The following RUNX1 variants were observed in gnomAD, a reference collection of about 807,000 sequenced individuals.
RUNX1 encodes RUNX family transcription factor 1.
RUNX1 carries 19 observed loss-of-function variants against 42.8 expected under a neutral mutation model. The observed-to-expected ratio is 0.44, with a 90% CI of 0.31 to 0.65. The LOEUF is 0.65. Among genes scored for constraint, RUNX1 ranks in the 30% least tolerant of loss-of-function variants. The pLI, the probability that RUNX1 is intolerant of heterozygous loss-of-function variation, is 0.07. For synonymous variants in RUNX1, 271 were observed against 289.4 expected, an observed-to-expected ratio of 0.94 and a Z score of 0.64; for missense variants, 528 against 672.0, an observed-to-expected ratio of 0.79 and a Z score of 2.37.
At chr21:34,829,391 A>C (rs2057032840) in intron 7 of RUNX1, among the ~76,000 whole-genome samples, 1 of 152,230 alleles carries the variant, frequency 6.6e-6, no homozygotes, top group African/African-American at 2.4e-5. Flanking sequence ...CACTAAGATC[A>C]AGCCCTGCAG....
At chr21:34,881,865 C>T (rs1214156243) in intron 4 of RUNX1, among the ~76,000 whole-genome samples, 2 of 152,166 alleles carry the variant, frequency 1.3e-5, no homozygotes, top group African/African-American at 2.4e-5. Flanking sequence ...TTACTATTGG[C>T]TGTATTTCCT....
chr21:34,875,322 A>G (rs1208309954), intron 5 of RUNX1, among the ~76,000 whole-genome samples: 1 of 152,222 alleles, frequency 6.6e-6, no homozygotes, highest in Non-Finnish European at 1.5e-5. Context: ...GATGAATTCT[A>G]CATCAGATCA....
intron 2 of RUNX1, among the ~76,000 whole-genome samples, chr21:34,969,888 C>A (rs1381999711): frequency 1.3e-5 from 2 of 152,086 alleles, no homozygotes; most frequent in Non-Finnish European, 2.9e-5. Flanking sequence ...AATTGATCAT[C>A]TTGAGGATTG....
In RUNX1 at chr21:34,979,055, ATC is replaced by A. The variant is rs556031511; in HGVS notation, c.58+69785_58+69786del. The stretch of plus-strand genomic sequence containing the variant: ...ATCCCTTGAGTTTGAGAGAGTAAAG[ATC>A]TCTCGTAATTTCCATCTCGCCTGCA... On this transcript the variant is annotated intron_variant, in intron 2 of 8. Coordinates refer to ENST00000675419, the MANE Select transcript of RUNX1 (RefSeq NM_001754.5). 1.3e-4 allele frequency among the ~76,000 whole-genome samples: 20 copies of A among 151,684 alleles called. No homozygotes were observed. The East Asian group carries it at 3.9e-3, about 29-fold the overall frequency.
chr21:34,814,724 G>A (rs2056802248), intron 7 of RUNX1, among the ~76,000 whole-genome samples: 1 of 152,158 alleles, frequency 6.6e-6, no homozygotes, highest in African/African-American at 2.4e-5. Flanking sequence ...CGTTTGTGCT[G>A]AGCAGGACCA....
At position 34,791,639 on chromosome 21, in the gene RUNX1, GA is replaced by G; in HGVS notation, c.*495del. ...CGCATTTTGCAATTGATAAGGTGCGGAAAAATTAAAAATAAGAATTAGATGC... is the reference window on the plus strand; with the variant it reads ...CGCATTTTGCAATTGATAAGGTGCGGAAAATTAAAAATAAGAATTAGATGC... On this transcript the variant is annotated 3_prime_UTR_variant, in exon 9 of 9. Transcript: ENST00000675419. The G allele has an allele frequency of 4.3e-6, 1 of 230,968 alleles. No homozygotes were observed. Among genetic ancestry groups the G allele is most frequent in the Non-Finnish European group, 8.6e-6 (1 of 116,394 alleles). The allele number at this position is 230,968 out of a possible 1,614,324, so 14.3% of individuals were successfully genotyped here. A position where few individuals can be genotyped will look rare whatever the true frequency, so the allele number is the denominator to read the frequency against.
chr21:34,965,147 C>T (rs1282849117), intron 2 of RUNX1, among the ~76,000 whole-genome samples: 1 of 151,896 alleles, frequency 6.6e-6, no homozygotes, highest in Non-Finnish European at 1.5e-5. Context: ...GTGCACAGTC[C>T]CCCACAACAT....
chr21:34,930,693 A>G (rs1015042869), intron 2 of RUNX1, among the ~76,000 whole-genome samples: 10 of 109,402 alleles, frequency 9.1e-5, no homozygotes, highest in African/African-American at 3.8e-4. Flanking sequence ...CTACACTGCC[A>G]CACACACACA....
rs183629063 is a variant in RUNX1, at chr21:34,820,136, C to T, written c.805+14274G>A. On this transcript the variant is annotated intron_variant, in intron 7 of 8. Coordinates refer to ENST00000675419, the MANE Select transcript of RUNX1 (RefSeq NM_001754.5). Reference sequence around the variant, plus strand: ...GCTTTGTGCTCAGGAAGTGACCTGTCGGTCTCCTGTAGCTGGTTGTCCCCA... The same window carrying T: ...GCTTTGTGCTCAGGAAGTGACCTGTTGGTCTCCTGTAGCTGGTTGTCCCCA... Among the ~76,000 whole-genome samples the T allele has an allele frequency of 2.8e-4, 43 of 152,222 alleles. 2 individuals carry two copies. In the East Asian group the frequency reaches 7.7e-3, roughly 27 times the overall value.
At chr21:34,937,038 C>T (rs550412957) in intron 2 of RUNX1, among the ~76,000 whole-genome samples, 7 of 152,090 alleles carry the variant, frequency 4.6e-5, no homozygotes, top group African/African-American at 7.2e-5. Context: ...CTGACCTAGG[C>T]GTGCCATGTC....
chr21:35,036,488 G>A (rs58527026), intron 2 of RUNX1, among the ~76,000 whole-genome samples: 22,045 of 152,076 alleles, frequency 0.14, 2,565 homozygotes, highest in African/African-American at 0.33. Context: ...CTCCAGAAAG[G>A]GAAGGAACTT....
intron 5 of RUNX1, among the ~76,000 whole-genome samples, chr21:34,869,923 T>A (rs2146296299): frequency 6.6e-6 from 1 of 152,306 alleles, no homozygotes; most frequent in South Asian, 2.1e-4. Context: ...CACATATGAA[T>A]CATAAATATT....
chr21:34,911,738 C>A (rs986263205), intron 2 of RUNX1, among the ~76,000 whole-genome samples: 2 of 152,190 alleles, frequency 1.3e-5, no homozygotes, highest in African/African-American at 4.8e-5. Flanking sequence ...ATCACCTAGA[C>A]CTGGGAGCAC....
chr21:34,978,937 TACACACACAC>T (rs10673190), intron 2 of RUNX1, among the ~76,000 whole-genome samples: 26 of 134,054 alleles, frequency 1.9e-4, no homozygotes, highest in African/African-American at 2.9e-4. Flanking sequence ...CACACACAGA[TACACACACAC>T]ACACACACAC....
In RUNX1 at chr21:34,813,593, T is replaced by A. The variant is rs78265008; in HGVS notation, c.806-14131A>T. Among the ~76,000 whole-genome samples the A allele has an allele frequency of 7.0e-3, 1,063 of 152,112 alleles. 6 individuals carry two copies. The highest frequency in any genetic ancestry group is 0.023 in the African/African-American group (973 of 41,490). On this transcript the variant is annotated intron_variant, in intron 7 of 8. Transcript: ENST00000675419. Reference sequence around the variant, plus strand: ...AGTCTCATGGCCTGGCACCCAGACTTAGAGCTGGCATGTTGAGCCCTGGGT... The same window carrying A: ...AGTCTCATGGCCTGGCACCCAGACTAAGAGCTGGCATGTTGAGCCCTGGGT...
Position 34,799,421 on chromosome 21 carries a change from G to T in RUNX1, c.847C>A (p.Gln283Lys), listed in dbSNP as rs374341207. Residue 283 changes from glutamine to lysine, a missense_variant, in exon 8 of 9, where the codon CAG (glutamine) becomes AAG (lysine). Transcript: ENST00000675419. ...ATGGATCCCAGGTATTGGTAGGACT[G>T]ATCGTAGGACCACGGTGGGGATGGT... ...IQPSPPWSYD[Q>K]SYQYLGSIAS... is the part of the protein sequence containing the mutation. The T allele has an allele frequency of 3.7e-6, 6 of 1,614,048 alleles. No individual in the cohort carries two copies. In the African/African-American group the frequency reaches 5.3e-5, roughly 14 times the overall value.
At chr21:34,971,504 G>GCCAT (rs76561322) in intron 2 of RUNX1, among the ~76,000 whole-genome samples, 17,630 of 150,458 alleles carry the variant, frequency 0.12, 1,180 homozygotes, top group African/African-American at 0.19. Context: ...ATTTTTATCA[G>GCCAT]CCATCCATCC....
intron 6 of RUNX1, among the ~76,000 whole-genome samples, chr21:34,848,725 G>A (rs190058591): frequency 3.9e-5 from 6 of 152,250 alleles, no homozygotes; most frequent in East Asian, 1.9e-4. Context: ...GTGAGCTACC[G>A]CGCCCAGCCC....
At chr21:34,975,085 A>G (rs1036158409) in intron 2 of RUNX1, among the ~76,000 whole-genome samples, 1 of 152,000 alleles carries the variant, frequency 6.6e-6, no homozygotes, top group Non-Finnish European at 1.5e-5. Context: ...TGATTGGATA[A>G]ATTGCCCATA....
Sources: allele counts gnomAD v4.1 joint callset (sites outside exome capture counted in the v4.1 genomes callset), GRCh38; gene constraint gnomAD v4.1.1; transcripts MANE v1.5; gene names NCBI Gene and HGNC (gene_info 2026-07-23, HGNC 2026-07-21).